Variants in RBM20 observed in about 807,000 individuals in gnomAD.
RBM20 encodes RNA binding motif protein 20.
In RBM20, 51 loss-of-function variants were observed where a neutral mutation model predicts 110.1. That is an observed-to-expected ratio of 0.46 (90% CI 0.37 to 0.59). RBM20 has a LOEUF of 0.59. RBM20 is among the 20% of genes least tolerant of loss of function. The probability of loss-of-function intolerance (pLI) is 0.00; values close to 1 mark genes in which losing one functional copy is unlikely to be tolerated. For missense variants in RBM20, 1,512 were observed against 1,574.9 expected, an observed-to-expected ratio of 0.96 and a Z score of 0.68; for synonymous variants, 589 against 618.2, an observed-to-expected ratio of 0.95 and a Z score of 0.70.
At chr10:110,774,238 A>G (rs954973556) in intron 1 of RBM20, among the ~76,000 whole-genome samples, 5 of 152,172 alleles carry the variant, frequency 3.3e-5, no homozygotes. Flanking sequence ...TAACACACCA[A>G]CTGAAAAACA....
chr10:110,746,767 C>A (rs1014968739), intron 1 of RBM20, among the ~76,000 whole-genome samples: 3 of 152,162 alleles, frequency 2.0e-5, no homozygotes, highest in Non-Finnish European at 4.4e-5. Flanking sequence ...CTTCACCTCC[C>A]CAAATGGGGG....
intron 1 of RBM20, among the ~76,000 whole-genome samples, chr10:110,727,204 T>C (rs1015207068): frequency 6.7e-6 from 1 of 148,546 alleles, no homozygotes; most frequent in East Asian, 2.0e-4. Context: ...TTATCTTTAG[T>C]TGACACATAA....
At position 110,751,206 on chromosome 10, in the gene RBM20, T is replaced by C. The variant is rs141490009; in HGVS notation, c.192-29595T>C. ...GATTCTTCAGACCTTACAGGATGTC[T>C]CTGTAAAACCTGTCTGGGTGCTAGA... is the stretch of plus-strand genomic sequence containing the variant. On this transcript the variant is annotated intron_variant, in intron 1 of 13. Coordinates refer to ENST00000369519, the MANE Select transcript of RBM20 (RefSeq NM_001134363.3). 2.3e-3 allele frequency among the ~76,000 whole-genome samples: 345 copies of C among 152,344 alleles called. 1 individual carries two copies. The highest frequency in any genetic ancestry group is 7.7e-3 in the African/African-American group (320 of 41,574).
At chr10:110,753,094 A>G (rs1843879626) in intron 1 of RBM20, among the ~76,000 whole-genome samples, 1 of 151,412 alleles carries the variant, frequency 6.6e-6, no homozygotes, top group African/African-American at 2.4e-5. Context: ...GTGCGCCACC[A>G]TACCCGGCTA....
chr10:110,722,508 T>C (rs74158128), intron 1 of RBM20, among the ~76,000 whole-genome samples: 1 of 152,230 alleles, frequency 6.6e-6, no homozygotes, highest in Non-Finnish European at 1.5e-5. Flanking sequence ...ATGACATGTA[T>C]CTACCATTAT....
chr10:110,665,052 TC>T, intron 1 of RBM20, among the ~76,000 whole-genome samples: 1 of 152,142 alleles, frequency 6.6e-6, no homozygotes, highest in South Asian at 2.1e-4. Flanking sequence ...CTTTTTTTTT[TC>T]TTTTGTAGAG....
intron 12 of RBM20, 128 bp downstream of exon 12, chr10:110,823,742 A>G (rs912530516): frequency 1.7e-5 from 17 of 992,770 alleles, no homozygotes; most frequent in Non-Finnish European, 2.4e-5. Flanking sequence ...TTTTGAGACA[A>G]GGTCTCACTC....
chr10:110,689,623 G>A (rs1009654068), intron 1 of RBM20, among the ~76,000 whole-genome samples: 17 of 150,408 alleles, frequency 1.1e-4, no homozygotes, highest in Admixed American at 6.6e-4. Flanking sequence ...CTGGTAGTGC[G>A]GGTCTTTAAA....
intron 7 of RBM20, among the ~76,000 whole-genome samples, chr10:110,808,577 C>T (rs1844724227): frequency 6.6e-6 from 1 of 152,166 alleles, no homozygotes; most frequent in South Asian, 2.1e-4. Flanking sequence ...AAACCTCTGA[C>T]TTATTCACAA....
Position 110,781,634 on chromosome 10 carries a change from C to T in RBM20, c.1025C>T (p.Pro342Leu). Residue 342 changes from proline (P) to leucine (L), a missense_variant, in exon 2 of 14, where the codon CCC (proline) becomes CTC (leucine). Physicochemically the swap from Pro to Leu is moderately conservative, Grantham distance 98. Around this residue, in one of 3 missense-constraint regions of RBM20, gnomAD observed 1,149 missense variants for 1,169.4 expected, o/e 0.98. Coordinates refer to ENST00000369519, the MANE Select transcript of RBM20 (RefSeq NM_001134363.3). ...ACAGCAGGTCCCATGTGGCCTCCAC[C>T]CCACAACCAGCCCTATGAGCTGTAC... ...DLTAGPMWPP[P>L]HNQPYELYDP... is the part of the protein sequence containing the mutation. 1 of 1,549,590 alleles carries T rather than the reference C, an allele frequency of 6.5e-7. No individual in the cohort carries two copies. Among genetic ancestry groups the T allele is most frequent in the Non-Finnish European group, 8.7e-7 (1 of 1,145,436 alleles).
At chr10:110,698,285 C>T (rs1377560883) in intron 1 of RBM20, among the ~76,000 whole-genome samples, 1 of 152,302 alleles carries the variant, frequency 6.6e-6, no homozygotes, top group Middle Eastern at 3.4e-3. Flanking sequence ...TCCAGCATGC[C>T]CTGCACAGTT....
At chr10:110,743,197 G>A (rs1843740604) in intron 1 of RBM20, among the ~76,000 whole-genome samples, 1 of 151,584 alleles carries the variant, frequency 6.6e-6, no homozygotes. Context: ...ACCAACAATG[G>A]AAAAAAAAGG....
chr10:110,787,361 G>T (rs1444489175), intron 5 of RBM20, among the ~76,000 whole-genome samples: 1 of 152,232 alleles, frequency 6.6e-6, no homozygotes, highest in Admixed American at 6.5e-5. Context: ...CAGGGACAAT[G>T]ATTTGGGAAC....
intron 1 of RBM20, among the ~76,000 whole-genome samples, chr10:110,722,015 C>A (rs1474737083): frequency 6.6e-6 from 1 of 152,050 alleles, no homozygotes; most frequent in Admixed American, 6.5e-5. Context: ...TTGTCTCTGC[C>A]CCTGCCTTTT....
Position 110,644,723 on chromosome 10 carries a change from C to T in RBM20, c.191+78C>T, listed in dbSNP as rs1861843846. ...GAGAGCCCCCTTTGTGGCTTCATTT[C>T]CCGTCCCTGCTGAACTTCGCTCGCC... On this transcript the variant is annotated intron_variant, in intron 1 of 13. Coordinates refer to ENST00000369519, the MANE Select transcript of RBM20 (RefSeq NM_001134363.3). The surrounding 1 kb of genome is among the most constrained non-coding windows in gnomAD (Gnocchi z 4.3). 2.7e-6 allele frequency: 3 copies of T among 1,129,776 alleles called. No individual in the cohort carries two copies. Among genetic ancestry groups the T allele is most frequent in the Admixed American group, 3.4e-5 (1 of 29,430 alleles). The allele number at this position is 1,129,776 out of a possible 1,614,324, so 70.0% of individuals were successfully genotyped here.
At chr10:110,715,366 T>C (rs1862999879) in intron 1 of RBM20, among the ~76,000 whole-genome samples, 1 of 152,252 alleles carries the variant, frequency 6.6e-6, no homozygotes, top group Non-Finnish European at 1.5e-5. Context: ...AATGTTTCCA[T>C]CTTGTGTCAT....
At chr10:110,737,369 A>G (rs1182986732) in intron 1 of RBM20, among the ~76,000 whole-genome samples, 6 of 151,976 alleles carry the variant, frequency 3.9e-5, no homozygotes, top group Non-Finnish European at 5.9e-5. Context: ...ATAAATTTCT[A>G]TTGTTTTTAA....
chr10:110,784,349 T>C lies in RBM20; in HGVS notation c.1346T>C (p.Ile449Thr), dbSNP rs1844392860. Residue 449 changes from isoleucine to threonine, a missense_variant, in exon 4 of 14, where the codon ATC becomes ACC. Physicochemically the swap from Ile to Thr is moderately conservative, Grantham distance 89. Coordinates refer to ENST00000369519, the MANE Select transcript of RBM20 (RefSeq NM_001134363.3). ...KCLVFSENAG[I>T]RCILGSAEGT... ...TTTCTCGCCCTCTCCAGTGCTGGCA[T>C]CCGGTGTATACTTGGTTCGGCAGAG... is the stretch of plus-strand genomic sequence containing the variant. 1 of 1,550,730 alleles carries C rather than the reference T, an allele frequency of 6.4e-7. No homozygotes were observed. The highest frequency in any genetic ancestry group is 8.7e-7 in the Non-Finnish European group (1 of 1,146,512).
chr10:110,783,314 C>G (rs1844377912), intron 2 of RBM20, 52 bp from the exon 3 acceptor site: 2 of 1,424,794 alleles, frequency 1.4e-6, no homozygotes, highest in African/African-American at 2.8e-5. Flanking sequence ...CATCCTTTGC[C>G]TTCCCATGGA....
Sources: gnomAD v4.1 joint callset for allele counts (sites outside exome capture counted in the v4.1 genomes callset) on GRCh38, gnomAD v4.1.1 for gene constraint, gnomAD v4.1.1 regional missense constraint, Gnocchi (gnomAD v3.1) non-coding constraint, MANE v1.5 for transcripts, NCBI Gene and HGNC (gene_info 2026-07-23, HGNC 2026-07-21) for gene names.